Variants in CATSPERD observed in about 807,000 individuals in gnomAD.
CATSPERD encodes cation channel sperm-associated auxiliary subunit delta.
In CATSPERD, 86 loss-of-function variants were observed where a neutral mutation model predicts 98.1. The ratio of observed to expected loss-of-function variants is 0.88; its 90% CI spans 0.74 to 1.05. The LOEUF is 1.05. CATSPERD is among the 50% of genes least tolerant of loss of function. CATSPERD has a pLI of 0.00. For synonymous variants in CATSPERD, 394 were observed against 390.2 expected (o/e 1.01, Z -0.12); for missense variants, 995 against 1,005.7 (o/e 0.99, Z 0.14).
chr19:5,747,610 CTTTTTT>C (rs10603074), intron 9 of CATSPERD, among the ~76,000 whole-genome samples: 1 of 87,656 alleles, frequency 1.1e-5, no homozygotes. Context: ...TTTTTCTTTT[CTTTTTT>C]TTTTTTTTTT....
Position 5,721,552 on chromosome 19 carries a change from T to A in CATSPERD, c.71+744T>A, listed in dbSNP as rs552039795. 5.3e-5 allele frequency among the ~76,000 whole-genome samples: 8 copies of A among 152,356 alleles called. No individual in the cohort carries two copies. The East Asian group carries it at 1.3e-3, about 26-fold the overall frequency. On this transcript the variant is annotated intron_variant, in intron 1 of 21. Transcript: ENST00000381624. ...CGTTCCTGCCCTCAGGGAACTCCCATCTGGACTAAACTGTCACATTCAGTA... is the reference window on the plus strand; with the variant it reads ...CGTTCCTGCCCTCAGGGAACTCCCAACTGGACTAAACTGTCACATTCAGTA...
chr19:5,759,949 C>A (rs994357185), intron 15 of CATSPERD, among the ~76,000 whole-genome samples: 4 of 150,886 alleles, frequency 2.7e-5, no homozygotes, highest in Non-Finnish European at 5.9e-5. Context: ...TGGTGGTATG[C>A]GCCTGTAATC....
chr19:5,769,289 G>C (rs1243937254), intron 18 of CATSPERD, among the ~76,000 whole-genome samples: 1 of 123,924 alleles, frequency 8.1e-6, no homozygotes. Context: ...GGGCAACCTA[G>C]AGACAAAAAA....
In CATSPERD at chr19:5,772,821, C is replaced by A. The variant is rs758592581; in HGVS notation, c.1797C>A (p.Asp599Glu). The A allele has an allele frequency of 6.2e-7, 1 of 1,613,954 alleles. No individual in the cohort carries two copies. The highest frequency in any genetic ancestry group is 1.1e-5 in the South Asian group (1 of 91,076). ...AAGACAGTTTCCAGGAGGTCATCGA[C>A]GCCGAGTATGTGTTACTGGAGGTGA... is the stretch of plus-strand genomic sequence containing the variant. ...WRKDSFQEVIDAEYVLLEVNG... is the reference protein window; with the variant it reads ...WRKDSFQEVIEAEYVLLEVNG... The change falls in exon 20 of 22, where the codon GAC becomes GAA. Residue 599 changes from aspartate to glutamate, a missense_variant. Coordinates refer to ENST00000381624, the MANE Select transcript of CATSPERD (RefSeq NM_152784.4).
At chr19:5,742,878 T>TG (rs1224966822) in intron 7 of CATSPERD, among the ~76,000 whole-genome samples, 1 of 152,152 alleles carries the variant, frequency 6.6e-6, no homozygotes, top group Non-Finnish European at 1.5e-5. Flanking sequence ...AATTGCCTAA[T>TG]GGGATAGGTG....
rs375104853 is a variant in CATSPERD, at chr19:5,750,742, G to GA, written c.988-898dup. 8.9e-3 allele frequency among the ~76,000 whole-genome samples: 1,351 copies of GA among 151,366 alleles called. 7 individuals carry two copies. The highest frequency in any genetic ancestry group is 0.022 in the African/African-American group (918 of 41,282). ...AGAGTGAGGCTCCATCTCAAAAAAA[G>GA]AAAAAAATAATAATTACCAAAGGAT... On this transcript the variant is annotated intron_variant, in intron 11 of 21. Transcript: ENST00000381624.
intron 1 of CATSPERD, among the ~76,000 whole-genome samples, chr19:5,722,342 C>T (rs552101021): frequency 1.3e-5 from 2 of 152,156 alleles, no homozygotes; most frequent in East Asian, 3.9e-4. Context: ...AGGTTGGTCT[C>T]GAACTCCTGA....
chr19:5,737,757 G>T (rs1230703817), intron 6 of CATSPERD, among the ~76,000 whole-genome samples: 1 of 151,470 alleles, frequency 6.6e-6, no homozygotes, highest in Admixed American at 6.6e-5. Context: ...GGCTGAGGCA[G>T]GAGAATCCCT....
At chr19:5,737,036 G>C in intron 5 of CATSPERD, 102 bp from the exon 6 acceptor site, 1 of 644,322 alleles carries the variant, frequency 1.6e-6, no homozygotes, top group Non-Finnish European at 2.7e-6. Context: ...CAGCCTGGGC[G>C]ACAGAGCAAG....
intron 11 of CATSPERD, among the ~76,000 whole-genome samples, chr19:5,751,197 CAAAAAAAAA>C (rs556079596): frequency 8.6e-5 from 4 of 46,618 alleles, no homozygotes; most frequent in African/African-American, 3.0e-4. Context: ...GATTCCGTCT[CAAAAAAAAA>C]AAAAAAAAAA....
chr19:5,744,287 A>G (rs1186003063), intron 7 of CATSPERD, 140 bp from the exon 8 acceptor site: 2 of 704,810 alleles, frequency 2.8e-6, no homozygotes, highest in Non-Finnish European at 4.7e-6. Flanking sequence ...ATTGAGTGCC[A>G]TATTTCCACA....
rs769163266 is a variant in CATSPERD, at chr19:5,778,620, G to A, written c.2341G>A (p.Gly781Ser). The change falls in exon 22 of 22, where the codon GGC (glycine) becomes AGC (serine). Residue 781 changes from glycine (G) to serine (S), a missense_variant. By Grantham distance (56) the Gly-to-Ser change is moderately conservative. This residue lies in a region of CATSPERD where 762 missense variants were observed against 773.7 expected (regional missense o/e 0.98). Transcript: ENST00000381624. Reference protein sequence around the residue: ...QFRASATARAGTEPPGRHRTP... With the variant: ...QFRASATARASTEPPGRHRTP... ...CAGGGCCTCAGCCACAGCCAGGGCA[G>A]GCACAGAGCCCCCGGGACGCCACCG... The A allele has an allele frequency of 1.9e-6, 3 of 1,613,768 alleles. No individual in the cohort carries two copies. In the East Asian group the frequency reaches 6.7e-5, roughly 36 times the overall value.
chr19:5,723,593 T>G (rs2055543851), intron 1 of CATSPERD, among the ~76,000 whole-genome samples: 1 of 150,576 alleles, frequency 6.6e-6, no homozygotes, highest in African/African-American at 2.4e-5. Flanking sequence ...GCCTCCCGAG[T>G]AGCTGGGACT....
At chr19:5,731,690 C>T (rs2055727308) in intron 4 of CATSPERD, among the ~76,000 whole-genome samples, 2 of 148,286 alleles carry the variant, frequency 1.3e-5, no homozygotes, top group Non-Finnish European at 3.0e-5. Flanking sequence ...ATTCTCCTGC[C>T]TCAGCCTCCC....
rs137867416 is a variant in CATSPERD at position 5,778,582 on chromosome 19, C to T, written c.2303C>T (p.Thr768Met). Residue 768 changes from threonine (T) to methionine (M), a missense_variant, in exon 22 of 22, where the codon ACG (threonine) becomes ATG (methionine). Physicochemically the swap from Thr to Met is moderately conservative, Grantham distance 81. This residue lies in a region of CATSPERD where 762 missense variants were observed against 773.7 expected (regional missense o/e 0.98). Transcript: ENST00000381624. ...CATQLCRRCK[T>M]VCQFRASATA... Reference sequence around the variant, plus strand: ...ACACAGCTGTGTAGGAGATGCAAGACGGTCTGCCAGTTCAGGGCCTCAGCC... The same window carrying T: ...ACACAGCTGTGTAGGAGATGCAAGATGGTCTGCCAGTTCAGGGCCTCAGCC... The T allele has an allele frequency of 8.7e-6, 14 of 1,613,804 alleles. No individual in the cohort carries two copies. The East Asian group carries it at 1.6e-4, about 18-fold the overall frequency.
At chr19:5,726,014 G>C (rs2055597397) in intron 2 of CATSPERD, among the ~76,000 whole-genome samples, 1 of 151,686 alleles carries the variant, frequency 6.6e-6, no homozygotes, top group East Asian at 1.9e-4. Flanking sequence ...TAAACAAATA[G>C]TAACATGAAT....
intron 1 of CATSPERD, 113 bp downstream of exon 1, chr19:5,720,921 T>C: frequency 1.2e-6 from 1 of 816,960 alleles, no homozygotes; most frequent in Middle Eastern, 2.3e-4. Context: ...CCTTTTACTC[T>C]TTTTAGGAAT....
At chr19:5,739,210 C>A in intron 6 of CATSPERD, 116 bp from the exon 7 acceptor site, 1 of 663,096 alleles carries the variant, frequency 1.5e-6, no homozygotes, top group Admixed American at 2.7e-5. Context: ...CGAACAGTCA[C>A]GTCCAGACAT....
chr19:5,734,317 A>G (rs528644145), intron 5 of CATSPERD, among the ~76,000 whole-genome samples: 2 of 152,310 alleles, frequency 1.3e-5, no homozygotes, highest in East Asian at 3.9e-4. Flanking sequence ...AGCCTGACCA[A>G]CATGGCGAAA....
Sources: gnomAD v4.1 joint callset for allele counts (sites outside exome capture counted in the v4.1 genomes callset) on GRCh38, gnomAD v4.1.1 for gene constraint, gnomAD v4.1.1 regional missense constraint, MANE v1.5 for transcripts, NCBI Gene and HGNC (gene_info 2026-07-23, HGNC 2026-07-21) for gene names.